Variants in PSD3 observed in about 807,000 individuals in gnomAD.
The protein encoded by PSD3 is PH and SEC7 domain-containing protein 3.
In PSD3, 49 loss-of-function variants were observed where a neutral mutation model predicts 105.5. The observed-to-expected ratio is 0.46, with a 90% CI of 0.37 to 0.59. PSD3 has a LOEUF of 0.59. Ranked by LOEUF, PSD3 falls within the 20% of genes least tolerant of loss-of-function variation. The pLI, the probability that PSD3 is intolerant of heterozygous loss-of-function variation, is 0.00. For missense variants in PSD3, 1,561 were observed against 1,263.8 expected (o/e 1.24, Z -3.57); for synonymous variants, 557 against 457.8 (o/e 1.22, Z -2.77).
chr8:18,865,249 TA>T lies in PSD3; in HGVS notation c.1634+2424del, dbSNP rs1816768289. On this transcript the variant is annotated intron_variant, in intron 4 of 15. Transcript: ENST00000327040. Reference sequence around the variant, plus strand: ...TTATATATATATATATATATATATATATATATATATATATATATATATATAT... The same window carrying T: ...TTATATATATATATATATATATATATTATATATATATATATATATATATAT... 3.3e-3 allele frequency: 11 copies of T among 3,366 alleles called. 1 individual carries two copies. Among genetic ancestry groups the T allele is most frequent in the Non-Finnish European group, 5.0e-3 (8 of 1,592 alleles). 0.2% of individuals were successfully genotyped at this position (3,366 alleles called of 1,614,324 possible). A position where few individuals can be genotyped will look rare whatever the true frequency, so the allele number is the denominator to read the frequency against.
At chr8:19,076,753 A>C (rs1231012442) in intron 1 of PSD3, among the ~76,000 whole-genome samples, 18 of 152,164 alleles carry the variant, frequency 1.2e-4, no homozygotes, top group Admixed American at 1.2e-3. Flanking sequence ...ATGTTAAAAG[A>C]ACCCGCATGC....
rs564524507 is a variant in PSD3, at chr8:19,045,337, T to A, written c.324+38869A>T. ...GAGAATATGATATGAAACCAAGAGA[T>A]TCACAAGACAATAGAAAAAGTTGAC... On this transcript the variant is annotated intron_variant, in intron 1 of 1. Transcript: ENST00000521475. Among the ~76,000 whole-genome samples the A allele has an allele frequency of 5.3e-5, 8 of 152,236 alleles. No homozygotes were observed. The South Asian group carries it at 1.2e-3, about 24-fold the overall frequency.
chr8:18,885,316 TTAAAC>T (rs1422912552), intron 2 of PSD3, among the ~76,000 whole-genome samples: 3 of 152,192 alleles, frequency 2.0e-5, no homozygotes, highest in African/African-American at 2.4e-5. Context: ...AAAAAAAAGT[TTAAAC>T]TAAACTTTTA....
At chr8:18,767,194 A>G (rs1563242336) in intron 8 of PSD3, among the ~76,000 whole-genome samples, 1 of 152,246 alleles carries the variant, frequency 6.6e-6, no homozygotes, top group African/African-American at 2.4e-5. Flanking sequence ...TAAAGTAATT[A>G]GAAAATCCAA....
chr8:18,792,878 T>G (rs145472736), intron 8 of PSD3, among the ~76,000 whole-genome samples: 2 of 152,290 alleles, frequency 1.3e-5, no homozygotes, highest in South Asian at 4.1e-4. Context: ...CATGCACACT[T>G]ATGTTTATTG....
At chr8:18,888,619 A>AT (rs1818584650) in intron 2 of PSD3, among the ~76,000 whole-genome samples, 1 of 152,220 alleles carries the variant, frequency 6.6e-6, no homozygotes, top group South Asian at 2.1e-4. Context: ...TATAATCACT[A>AT]TGACTTTTAG....
intron 8 of PSD3, among the ~76,000 whole-genome samples, chr8:18,793,251 A>T (rs1236138615): frequency 6.6e-6 from 1 of 152,108 alleles, no homozygotes; most frequent in East Asian, 1.9e-4. Context: ...CAGCACACCA[A>T]CATGGCACAC....
At chr8:18,670,012 A>G (rs1369487935) in intron 9 of PSD3, among the ~76,000 whole-genome samples, 1 of 152,220 alleles carries the variant, frequency 6.6e-6, no homozygotes, top group African/African-American at 2.4e-5. Flanking sequence ...GAAGCAGGTA[A>G]TAAATAAGAA....
intron 8 of PSD3, among the ~76,000 whole-genome samples, chr8:18,770,766 C>A (rs1407558329): frequency 1.3e-5 from 2 of 152,202 alleles, no homozygotes; most frequent in Non-Finnish European, 2.9e-5. Flanking sequence ...CTCAGTGGAT[C>A]CTCTGCCTTT....
chr8:18,615,098 T>C (rs187584846), intron 11 of PSD3, among the ~76,000 whole-genome samples: 182 of 152,292 alleles, frequency 1.2e-3, no homozygotes, highest in Middle Eastern at 3.4e-3. Context: ...GTTCAATTCT[T>C]TGCCGTCTAC....
intron 9 of PSD3, among the ~76,000 whole-genome samples, chr8:18,709,091 C>A (rs1275078091): frequency 6.6e-6 from 1 of 152,118 alleles, no homozygotes; most frequent in African/African-American, 2.4e-5. Flanking sequence ...AGGCTGGAGA[C>A]TAAGATGACC....
chr8:18,868,015 A>G lies in PSD3; in HGVS notation c.1293T>C (p.Pro431=). 1 of 1,613,876 alleles carries G rather than the reference A, an allele frequency of 6.2e-7. No homozygotes were observed. Among genetic ancestry groups the G allele is most frequent in the South Asian group, 1.1e-5 (1 of 91,004 alleles). ...CGTCGGTGGAGTCCTCCGTATATCC[A>G]GGCCCAAGGATGTCTTCATCTTCCC... ...VKGEDEDILG[P]GYTEDSTDVY... Residue 431 remains proline, a synonymous_variant, in exon 4 of 16, where the codon CCT becomes CCC. Transcript: ENST00000327040.
chr8:18,611,251 GAA>G lies in PSD3; in HGVS notation c.2411-10819_2411-10818del, dbSNP rs138669050. 4.5e-3 allele frequency among the ~76,000 whole-genome samples: 575 copies of G among 128,890 alleles called. 2 individuals are homozygous for G. The highest frequency in any genetic ancestry group is 0.012 in the African/African-American group (425 of 35,678). The allele number at this position is 128,890 out of a possible 152,430, so 84.6% of individuals were successfully genotyped here. A position where few individuals can be genotyped will look rare whatever the true frequency, so the allele number is the denominator to read the frequency against. ...GGGTGTAATTTAATGTAGGATTTTG[GAA>G]AAAAAAAAAAAAAAAGGTTTTTCTT... is the stretch of plus-strand genomic sequence containing the variant. On this transcript the variant is annotated intron_variant, in intron 11 of 15. Coordinates refer to ENST00000327040, the MANE Select transcript of PSD3 (RefSeq NM_015310.4).
At chr8:18,673,709 C>T (rs1023021048) in intron 9 of PSD3, among the ~76,000 whole-genome samples, 3 of 152,310 alleles carry the variant, frequency 2.0e-5, no homozygotes, top group South Asian at 4.1e-4. Flanking sequence ...GGAAGAGACG[C>T]CCTGCTGTGA....
At chr8:18,544,171 C>CAAAAA (rs201016537) in intron 15 of PSD3, among the ~76,000 whole-genome samples, 3,692 of 104,434 alleles carry the variant, frequency 0.035, 192 homozygotes, top group Non-Finnish European at 0.049. Context: ...AGAAACAAAC[C>CAAAAA]AAAAAAAAAA....
chr8:18,681,056 C>G (rs1585602078), intron 9 of PSD3, among the ~76,000 whole-genome samples: 1 of 152,098 alleles, frequency 6.6e-6, no homozygotes, highest in South Asian at 2.1e-4. Flanking sequence ...TCAAAGAATA[C>G]AAAACATGTA....
intron 1 of PSD3, among the ~76,000 whole-genome samples, chr8:19,072,644 C>T (rs1829308463): frequency 6.6e-6 from 1 of 152,096 alleles, no homozygotes; most frequent in African/African-American, 2.4e-5. Context: ...CAAATGCAAC[C>T]AGGACACAGA....
At chr8:18,593,659 A>G (rs925822779) in intron 12 of PSD3, among the ~76,000 whole-genome samples, 2 of 152,110 alleles carry the variant, frequency 1.3e-5, no homozygotes, top group East Asian at 1.9e-4. Flanking sequence ...ATGCTGCTAT[A>G]AAGACACATG....
intron 10 of PSD3, among the ~76,000 whole-genome samples, chr8:18,635,257 C>A (rs1000729465): frequency 1.2e-4 from 18 of 152,090 alleles, no homozygotes; most frequent in Non-Finnish European, 1.6e-4. Context: ...CTGAAATCAA[C>A]CACTTCTCCA....
Sources: allele counts gnomAD v4.1 joint callset (sites outside exome capture counted in the v4.1 genomes callset), GRCh38; gene constraint gnomAD v4.1.1; transcripts MANE v1.5; gene names NCBI Gene and HGNC (gene_info 2026-07-23, HGNC 2026-07-21).